The following POGLUT3 variants were observed in gnomAD, a reference collection of about 807,000 sequenced individuals.
POGLUT3 encodes KDEL (Lys-Asp-Glu-Leu) containing 2.
In POGLUT3, 48 loss-of-function variants were observed where a neutral mutation model predicts 54.3. That is an observed-to-expected ratio of 0.88 (90% confidence interval 0.70 to 1.12). POGLUT3 has a LOEUF of 1.12. POGLUT3 is among the 50% of genes most tolerant of loss of function. The probability of loss-of-function intolerance (pLI) is 0.00; values close to 1 mark genes in which losing one functional copy is unlikely to be tolerated. For synonymous variants in POGLUT3, 218 were observed against 237.4 expected (o/e 0.92, Z 0.75); for missense variants, 629 against 618.7 (o/e 1.02, Z -0.18).
intron 1 of POGLUT3, among the ~76,000 whole-genome samples, chr11:108,497,566 G>A (rs1330327679): frequency 1.3e-5 from 2 of 152,214 alleles, no homozygotes; most frequent in South Asian, 2.1e-4. Flanking sequence ...AGGGATTCAG[G>A]ACGAGATCCA....
intron 5 of POGLUT3, among the ~76,000 whole-genome samples, chr11:108,480,753 G>A (rs1222304030): frequency 6.6e-6 from 1 of 152,058 alleles, no homozygotes; most frequent in Non-Finnish European, 1.5e-5. Context: ...TGGTGGCAGA[G>A]GCAGGATTAG....
intron 5 of POGLUT3, 111 bp from the exon 6 acceptor site, chr11:108,479,606 A>C (rs1039592631): frequency 5.8e-6 from 4 of 690,740 alleles, no homozygotes; most frequent in Non-Finnish European, 6.6e-6. Context: ...CCATTTTCCA[A>C]CTTTTTTGTG....
intron 1 of POGLUT3, among the ~76,000 whole-genome samples, chr11:108,493,803 C>CAAAAAA (rs11351337): frequency 4.9e-5 from 4 of 82,066 alleles, no homozygotes; most frequent in Non-Finnish European, 7.2e-5. Context: ...GACTCTGTCT[C>CAAAAAA]AAAAAAAAAA....
Position 108,474,838 on chromosome 11 carries a change from C to G in POGLUT3, c.1513G>C (p.Glu505Gln), listed in dbSNP as rs1451809842. Residue 505 changes from glutamate (E) to glutamine (Q), a missense_variant, in exon 8 of 8, where the codon GAA (glutamate) becomes CAA (glutamine). Transcript: ENST00000323468. ...CQCHRKKPSREEL is the reference protein window; with the variant it reads ...CQCHRKKPSRQEL ...GATTCTGGGCTGACTCAAAGTTCTT[C>G]TCTTGAAGGCTTTTTCCTGTGGCAC... 1 of 1,614,086 alleles carries G rather than the reference C, an allele frequency of 6.2e-7. No individual in the cohort carries two copies. Among genetic ancestry groups the G allele is most frequent in the Non-Finnish European group, 8.5e-7 (1 of 1,179,982 alleles).
chr11:108,490,999 T>G lies in POGLUT3; in HGVS notation c.371A>C (p.His124Pro). 6.2e-7 allele frequency: 1 copy of G among 1,614,064 alleles called. No homozygotes were observed. Among genetic ancestry groups the G allele is most frequent in the Non-Finnish European group, 8.5e-7 (1 of 1,179,948 alleles). The change falls in exon 2 of 8, where the codon CAT becomes CCT. Residue 124 changes from histidine (H) to proline (P), a missense_variant. By Grantham distance (77) the His-to-Pro change is moderately conservative (BLOSUM62 -2). Transcript: ENST00000323468. ...LKIEVLYGDEHVAQSPYILKG... is the reference protein window; with the variant it reads ...LKIEVLYGDEPVAQSPYILKG... ...CAAAATATAGGGAGACTGAGCCACA[T>G]GTTCATCACCATAAAGGACCTCTAT...
chr11:108,477,223 G>A (rs950660372), intron 7 of POGLUT3, among the ~76,000 whole-genome samples: 4 of 152,042 alleles, frequency 2.6e-5, no homozygotes, highest in African/African-American at 9.7e-5. Flanking sequence ...CCAACATGGC[G>A]AAACTCCGTT....
At chr11:108,478,838 T>C (rs1365735375) in intron 6 of POGLUT3, among the ~76,000 whole-genome samples, 3 of 152,234 alleles carry the variant, frequency 2.0e-5, no homozygotes, top group Non-Finnish European at 2.9e-5. Flanking sequence ...TTAATACTTT[T>C]CCTTTTAAAA....
intron 5 of POGLUT3, among the ~76,000 whole-genome samples, chr11:108,480,936 AAATCCCAGGTT>A (rs1332883113): frequency 6.6e-6 from 1 of 152,164 alleles, no homozygotes; most frequent in Admixed American, 6.5e-5. Context: ...AAATATACCA[AAATCCCAGGTT>A]AATCCTTGTA....
At chr11:108,488,110 G>A (rs1036919828) in intron 2 of POGLUT3, among the ~76,000 whole-genome samples, 8 of 151,102 alleles carry the variant, frequency 5.3e-5, no homozygotes, top group African/African-American at 1.2e-4. Context: ...TGCAACCTCC[G>A]CCTCCTGGGT....
chr11:108,488,833 C>A (rs952053098), intron 2 of POGLUT3, among the ~76,000 whole-genome samples: 3 of 151,886 alleles, frequency 2.0e-5, no homozygotes, highest in Non-Finnish European at 4.4e-5. Flanking sequence ...GGGGAAGAAC[C>A]CATCCAAAAT....
At chr11:108,491,819 G>T (rs1047612855) in intron 1 of POGLUT3, among the ~76,000 whole-genome samples, 2 of 152,014 alleles carry the variant, frequency 1.3e-5, no homozygotes, top group African/African-American at 4.8e-5. Context: ...TGCTTATTTG[G>T]TCTTTCCTCC....
At chr11:108,489,147 A>T (rs1447296811) in intron 2 of POGLUT3, among the ~76,000 whole-genome samples, 4 of 152,202 alleles carry the variant, frequency 2.6e-5, no homozygotes, top group Non-Finnish European at 4.4e-5. Flanking sequence ...AGAAAAGAGA[A>T]CTTAGAGACA....
chr11:108,498,058 A>C (rs2135871236), intron 1 of POGLUT3, 107 bp downstream of exon 1: 3 of 990,350 alleles, frequency 3.0e-6, no homozygotes, highest in East Asian at 6.6e-5. Context: ...AAAAGGGGCG[A>C]CACACGCCGG....
chr11:108,482,527 G>A (rs2093594828), intron 3 of POGLUT3, among the ~76,000 whole-genome samples: 1 of 152,042 alleles, frequency 6.6e-6, no homozygotes, highest in Admixed American at 6.6e-5. Context: ...GTTGAGGCGA[G>A]TGGATCGTCA....
At chr11:108,494,022 T>C (rs1361408748) in intron 1 of POGLUT3, among the ~76,000 whole-genome samples, 1 of 152,200 alleles carries the variant, frequency 6.6e-6, no homozygotes, top group African/African-American at 2.4e-5. Context: ...CTTAGCACTT[T>C]TTATGGGCTT....
chr11:108,486,458 G>A lies in POGLUT3; in HGVS notation c.401-18C>T. The A allele has an allele frequency of 6.2e-7, 1 of 1,608,034 alleles. No homozygotes were observed. Among genetic ancestry groups the A allele is most frequent in the East Asian group, 2.2e-5 (1 of 44,764 alleles). On this transcript the variant is annotated intron_variant, in intron 2 of 7. Transcript: ENST00000323468. Reference sequence around the variant, plus strand: ...CACTGGTCCTAGGGAAGGAAAACATGAAAAAGGCCGCACTCCATTAGCAAG... The same window carrying A: ...CACTGGTCCTAGGGAAGGAAAACATAAAAAAGGCCGCACTCCATTAGCAAG...
intron 2 of POGLUT3, among the ~76,000 whole-genome samples, chr11:108,490,439 C>T (rs1015367942): frequency 2.0e-5 from 3 of 151,930 alleles, no homozygotes; most frequent in African/African-American, 7.3e-5. Context: ...AAGCTCAAGC[C>T]ATCCACTCGC....
chr11:108,497,437 G>T (rs1591647476), intron 1 of POGLUT3, among the ~76,000 whole-genome samples: 2 of 152,244 alleles, frequency 1.3e-5, no homozygotes, highest in East Asian at 3.9e-4. Context: ...GTTGGCCAGA[G>T]CCCCAAATTA....
intron 3 of POGLUT3, among the ~76,000 whole-genome samples, chr11:108,483,427 T>G (rs2093596524): frequency 6.6e-6 from 1 of 152,198 alleles, no homozygotes; most frequent in South Asian, 2.1e-4. Flanking sequence ...CTCAGGCACT[T>G]AAACCCTAGG....
Sources: gnomAD v4.1 joint callset for allele counts (sites outside exome capture counted in the v4.1 genomes callset) on GRCh38, gnomAD v4.1.1 for gene constraint, MANE v1.5 for transcripts, NCBI Gene and HGNC (gene_info 2026-07-23, HGNC 2026-07-21) for gene names.